Variants in ATIC observed in about 807,000 individuals in gnomAD.
The protein encoded by ATIC is bifunctional purine biosynthesis protein ATIC.
A neutral mutation model predicts 72.5 loss-of-function variants in ATIC; 64 were observed. That is an observed-to-expected ratio of 0.88 (90% CI 0.72 to 1.09). ATIC has a LOEUF of 1.09. Among genes scored for constraint, ATIC ranks in the 50% least tolerant of loss-of-function variants. ATIC has a pLI of 0.00. For synonymous variants in ATIC, 281 were observed against 267.1 expected (o/e 1.05, Z -0.51); for missense variants, 787 against 732.4 (o/e 1.07, Z -0.86).
At chr2:215,312,395 T>C (rs765565834) in intron 1 of ATIC, 103 bp from the exon 2 acceptor site, 9 of 1,590,554 alleles carry the variant, frequency 5.7e-6, no homozygotes, top group Admixed American at 1.7e-5. Context: ...GTCCAGGTGC[T>C]GGCCTTGCGA....
chr2:215,315,061 A>G (rs2052694497), intron 2 of ATIC, among the ~76,000 whole-genome samples: 1 of 152,166 alleles, frequency 6.6e-6, no homozygotes, highest in South Asian at 2.1e-4. Flanking sequence ...TAGTAGACTG[A>G]GGTGGAGAAA....
the ATIC span, among the ~76,000 whole-genome samples, chr2:215,357,902 A>C: frequency 6.8e-6 from 1 of 147,768 alleles, no homozygotes; most frequent in Non-Finnish European, 1.5e-5. Context: ...GGGATTTTTT[A>C]ATTGTAACCT....
At chr2:215,346,596 AC>A (rs2053072964) in intron 13 of ATIC, among the ~76,000 whole-genome samples, 162 bp from the exon 14 acceptor site, 2 of 151,710 alleles carry the variant, frequency 1.3e-5, no homozygotes, top group Admixed American at 1.3e-4. Flanking sequence ...CTCTTACTCC[AC>A]CCCTTTTAAT....
chr2:215,315,767 A>G (rs1235972961), intron 2 of ATIC, among the ~76,000 whole-genome samples: 1 of 152,076 alleles, frequency 6.6e-6, no homozygotes, highest in African/African-American at 2.4e-5. Flanking sequence ...CCTGGCCAAC[A>G]TGGTGCAACT....
rs917029556 is a variant in ATIC, at chr2:215,326,808, T to C, written c.532-14T>C. 2 of 1,613,892 alleles carry C rather than the reference T, an allele frequency of 1.2e-6. No individual in the cohort carries two copies. Among genetic ancestry groups the C allele is most frequent in the Non-Finnish European group, 1.7e-6 (2 of 1,179,996 alleles). On this transcript the variant is annotated splice_polypyrimidine_tract_variant and intron_variant, in intron 6 of 15. Transcript: ENST00000236959. ...AGTGCTGCTCGTGTCTCACAAAACT[T>C]ACGCTTTTTGTAGGCATTCACTCAT...
At chr2:215,316,445 G>A (rs533878629) in intron 2 of ATIC, among the ~76,000 whole-genome samples, 1 of 152,266 alleles carries the variant, frequency 6.6e-6, no homozygotes, top group East Asian at 1.9e-4. Context: ...GCTTTAAAGT[G>A]TTTATTATAG....
chr2:215,349,211 T>G lies in ATIC; in HGVS notation c.1621T>G (p.Phe541Val), dbSNP rs1307801042. ...LTEVSISSDA[F>V]FPFRDNVDRA... is the part of the protein sequence containing the mutation. ...TGAAGTTTCTATCAGCTCTGATGCC[T>G]TCTTCCCTTTCCGAGATAACGTAGA... is the stretch of plus-strand genomic sequence containing the variant. The change falls in exon 15 of 16, where the codon TTC becomes GTC. Residue 541 changes from phenylalanine (F) to valine (V), a missense_variant. By Grantham distance (50) the Phe-to-Val change is conservative. Transcript: ENST00000236959. 1.2e-6 allele frequency: 2 copies of G among 1,614,218 alleles called. No homozygotes were observed. The highest frequency in any genetic ancestry group is 8.5e-7 in the Non-Finnish European group (1 of 1,180,048).
At chr2:215,320,004 G>T (rs1037366782) in intron 4 of ATIC, among the ~76,000 whole-genome samples, 2 of 152,144 alleles carry the variant, frequency 1.3e-5, no homozygotes, top group Non-Finnish European at 1.5e-5. Context: ...TTGGATTTCA[G>T]ATTTCTTCAG....
the ATIC span, among the ~76,000 whole-genome samples, chr2:215,359,319 G>A: frequency 2.0e-5 from 3 of 152,146 alleles, no homozygotes; most frequent in Non-Finnish European, 4.4e-5. Flanking sequence ...TTCAGATGAA[G>A]GGCCTGCTTT....
At chr2:215,334,163 C>T (rs928258792) in intron 9 of ATIC, among the ~76,000 whole-genome samples, 8 of 146,454 alleles carry the variant, frequency 5.5e-5, no homozygotes, top group African/African-American at 5.0e-5. Context: ...AATATGTGAC[C>T]AAAATTGAAA....
downstream of ATIC, among the ~76,000 whole-genome samples, chr2:215,350,834 C>T (rs577702503): frequency 1.3e-5 from 2 of 152,304 alleles, no homozygotes; most frequent in Non-Finnish European, 2.9e-5. Flanking sequence ...AACTAAAACC[C>T]TTTGCCATTG....
the ATIC span, chr2:215,365,555 A>G: frequency 6.2e-7 from 1 of 1,606,572 alleles, no homozygotes; most frequent in Non-Finnish European, 8.5e-7. Context: ...TGTGCAGCTC[A>G]TCATCTGGCC....
At chr2:215,348,311 G>T (rs1030319316) in intron 14 of ATIC, among the ~76,000 whole-genome samples, 5 of 152,110 alleles carry the variant, frequency 3.3e-5, no homozygotes, top group Non-Finnish European at 7.4e-5. Context: ...TTCCTAGATT[G>T]GATATAGAGG....
chr2:215,349,972 C>G (rs1034887317), downstream of ATIC, among the ~76,000 whole-genome samples: 1 of 152,156 alleles, frequency 6.6e-6, no homozygotes, highest in South Asian at 2.1e-4. Flanking sequence ...TCACTGTGTA[C>G]AGGCCACACT....
chr2:215,363,584 A>T, the ATIC span: 1 of 152,212 alleles, frequency 6.6e-6, no homozygotes, highest in South Asian at 2.1e-4. Context: ...TTTCCCAAAG[A>T]CTATTTTCCA....
chr2:215,365,806 AT>A, the ATIC span: 9,397 of 249,690 alleles, frequency 0.038, 271 homozygotes, highest in African/African-American at 0.11. Flanking sequence ...TTTACTTTTT[AT>A]TTTTTTTTTT....
chr2:215,319,370 C>G (rs1252116018), intron 3 of ATIC, among the ~76,000 whole-genome samples: 2 of 151,978 alleles, frequency 1.3e-5, no homozygotes, highest in Non-Finnish European at 2.9e-5. Context: ...CAACACCCCC[C>G]TTCTCTTTAA....
intron 7 of ATIC, among the ~76,000 whole-genome samples, chr2:215,330,869 C>G (rs2052884896): frequency 6.6e-6 from 1 of 152,114 alleles, no homozygotes; most frequent in Non-Finnish European, 1.5e-5. Context: ...GTACCCATTT[C>G]CAGAATGTCA....
chr2:215,341,074 A>G (rs938415201), intron 12 of ATIC, among the ~76,000 whole-genome samples: 1 of 152,216 alleles, frequency 6.6e-6, no homozygotes, highest in African/African-American at 2.4e-5. Context: ...ATTGCTGGAA[A>G]TAAGCCTTAA....
Sources: gnomAD v4.1 joint callset for allele counts (sites outside exome capture counted in the v4.1 genomes callset) on GRCh38, gnomAD v4.1.1 for gene constraint, MANE v1.5 for transcripts, NCBI Gene and HGNC (gene_info 2026-07-23, HGNC 2026-07-21) for gene names.